Variants in NOTCH1 observed in about 807,000 individuals in gnomAD.
NOTCH1 encodes the protein notch receptor 1.
In NOTCH1, 37 loss-of-function variants were observed where a neutral mutation model predicts 254.8. That is an observed-to-expected ratio of 0.15 (90% CI 0.11 to 0.19). NOTCH1 has a LOEUF of 0.19. Among genes scored for constraint, NOTCH1 ranks in the 10% least tolerant of loss-of-function variants. The probability of loss-of-function intolerance (pLI) is 1.00; values close to 1 mark genes in which losing one functional copy is unlikely to be tolerated. For missense variants in NOTCH1, 2,972 were observed against 3,708.6 expected, an observed-to-expected ratio of 0.80 and a Z score of 5.16; for synonymous variants, 1,731 against 1,618.1, an observed-to-expected ratio of 1.07 and a Z score of -1.68.
intron 15 of NOTCH1, among the ~76,000 whole-genome samples, chr9:136,512,118 C>T (rs1843190667): frequency 6.6e-6 from 1 of 152,202 alleles, no homozygotes; most frequent in African/African-American, 2.4e-5. Context: ...AGATAGGAAG[C>T]GGGTCAGCAC....
At chr9:136,502,963 T>C (rs755393793) in intron 27 of NOTCH1, 4 of 712,000 alleles carry the variant, frequency 5.6e-6, no homozygotes, top group South Asian at 4.5e-5. Context: ...CACTTTCCCG[T>C]GGCTGGACTC....
At position 136,505,659 on chromosome 9, in the gene NOTCH1, G is replaced by A. The variant is rs1348438354; in HGVS notation, c.4237C>T (p.Arg1413Cys). ...CEPTSESPFY[R>C]CLCPAKFNGL... ...TTGAATTTGGCGGGGCACAGGCAAC[G>A]GTAGAAGGGGCTCTCGGATGTGGGC... Residue 1413 changes from arginine (R) to cysteine (C), a missense_variant, in exon 25 of 34, where the codon CGT becomes TGT. Physicochemically the swap from Arg to Cys is radical, Grantham distance 180 (BLOSUM62 -3). Transcript: ENST00000651671. 2 of 1,611,786 alleles carry A rather than the reference G, an allele frequency of 1.2e-6. No homozygotes were observed. Among genetic ancestry groups the A allele is most frequent in the Non-Finnish European group, 1.7e-6 (2 of 1,179,290 alleles).
rs781520893 is a variant in NOTCH1, at chr9:136,496,383, C to T, written c.7356G>A (p.Ala2452=). 2.4e-5 allele frequency: 39 copies of T among 1,596,186 alleles called. No homozygotes were observed. Among genetic ancestry groups the T allele is most frequent in the African/African-American group, 1.2e-4 (9 of 75,010 alleles). The change falls in exon 34 of 34, where the codon GCG becomes GCA. Residue 2452 remains alanine, a synonymous_variant. Transcript: ENST00000651671. ...TCTCCTGGGGCAGAATAGTGTGCAC[C>T]GCCAGGCTGCTGGGGCCCAGTGGCT... The part of the protein sequence containing the change: ...DVQPLGPSSL[A]VHTILPQESP...
chr9:136,534,016 T>G (rs1589078755), intron 2 of NOTCH1, among the ~76,000 whole-genome samples: 1 of 152,214 alleles, frequency 6.6e-6, no homozygotes, highest in South Asian at 2.1e-4. Context: ...GGCAGGAAGC[T>G]GGGAGCCACC....
At position 136,496,234 on chromosome 9, in the gene NOTCH1, A is replaced by G. The variant is rs1842911153; in HGVS notation, c.7505T>C (p.Leu2502Pro). The G allele has an allele frequency of 6.2e-7, 1 of 1,606,514 alleles. No homozygotes were observed. Among genetic ancestry groups the G allele is most frequent in the Non-Finnish European group, 8.5e-7 (1 of 1,176,440 alleles). The part of the protein sequence containing the change: ...SPVDNTPSHQ[L>P]QVPEHPFLTP... ...GAGGAAGGGGTGCTCAGGCACCTGT[A>G]GCTGGTGGCTGGGGGTGTTGTCCAC... Residue 2502 changes from leucine (L) to proline (P), a missense_variant, in exon 34 of 34, where the codon CTA (leucine) becomes CCA (proline). Leu to Pro is a moderately conservative substitution (Grantham distance 98, BLOSUM62 -3). Around this residue, in one of 8 missense-constraint regions of NOTCH1, gnomAD observed 85 missense variants for 126.1 expected, o/e 0.67. Transcript: ENST00000651671.
chr9:136,528,492 A>ATGGGCAGGGACAGTGGGGGGG (rs1843508978), intron 2 of NOTCH1, among the ~76,000 whole-genome samples: 1 of 18,006 alleles, frequency 5.6e-5, no homozygotes, highest in Non-Finnish European at 1.3e-4. Flanking sequence ...CAGTGCGGGG[A>ATGGGCAGGGACAGTGGGGGGG]ATGGGCAGGG....
chr9:136,511,422 C>T, intron 15 of NOTCH1, 151 bp from the exon 16 acceptor site: 1 of 979,444 alleles, frequency 1.0e-6, no homozygotes, highest in Admixed American at 2.4e-5. Flanking sequence ...GCGCTCCCGG[C>T]TGTGCCAGGA....
intron 4 of NOTCH1, among the ~76,000 whole-genome samples, chr9:136,522,373 G>A (rs72775787): frequency 2.2e-4 from 33 of 152,280 alleles, no homozygotes; most frequent in Admixed American, 1.2e-3. Context: ...CGTACAACAC[G>A]GGGATCGGGG....
intron 7 of NOTCH1, 91 bp downstream of exon 7, chr9:136,518,046 G>T: frequency 6.4e-7 from 1 of 1,554,408 alleles, no homozygotes. Context: ...CCATCTAACT[G>T]GGCACCCCCT....
intron 33 of NOTCH1, among the ~76,000 whole-genome samples, chr9:136,498,664 G>A (rs1236375665): frequency 6.6e-6 from 1 of 152,182 alleles, no homozygotes; most frequent in African/African-American, 2.4e-5. Flanking sequence ...GGGGCGAGCC[G>A]CCGTGTCCTG....
At chr9:136,507,481 C>A in intron 21 of NOTCH1, 44 bp from the exon 22 acceptor site, 1 of 1,567,406 alleles carries the variant, frequency 6.4e-7, no homozygotes, top group East Asian at 2.3e-5. Flanking sequence ...TCAGCCGGCG[C>A]CAGGATGCAG....
chr9:136,509,813 G>A lies in NOTCH1; in HGVS notation c.2889C>T (p.Cys963=), dbSNP rs749585921. The change falls in exon 18 of 34, where the codon TGC becomes TGT. Residue 963 remains cysteine (C), a synonymous_variant. Transcript: ENST00000651671. ...PCRNGANCTD[C]VDSYTCTCPA... ...GGCAGGTGCACGTGTAGCTGTCCACGCAGTCCGTGCAGTTGGCCCCGTTGC... is the reference window on the plus strand; with the variant it reads ...GGCAGGTGCACGTGTAGCTGTCCACACAGTCCGTGCAGTTGGCCCCGTTGC... 2.5e-5 allele frequency: 41 copies of A among 1,613,026 alleles called. No homozygotes were observed. The Middle Eastern group carries it at 4.9e-4, about 19-fold the overall frequency.
intron 2 of NOTCH1, among the ~76,000 whole-genome samples, chr9:136,524,688 A>G (rs1589073264): frequency 8.1e-6 from 1 of 123,708 alleles, no homozygotes; most frequent in Admixed American, 1.1e-4. Flanking sequence ...CCCAGGCTGG[A>G]GTGCAGGGGC....
rs2133322676 is a variant in NOTCH1, at chr9:136,499,146, G to C, written c.6048C>G (p.Asn2016Lys). Residue 2016 changes from asparagine (N) to lysine (K), a missense_variant, in exon 32 of 34, where the codon AAC becomes AAG. Around this residue, in one of 8 missense-constraint regions of NOTCH1, gnomAD observed 421 missense variants for 604.4 expected, o/e 0.70. Coordinates refer to ENST00000651671, the MANE Select transcript of NOTCH1 (RefSeq NM_017617.5). The part of the protein sequence containing the change: ...AVEGMLEDLI[N>K]SHADVNAVDD... Reference sequence around the variant, plus strand: ...CTACGGCGTTGACGTCGGCGTGTGAGTTGATGAGGTCCTCCAGCATGCCCT... The same window carrying C: ...CTACGGCGTTGACGTCGGCGTGTGACTTGATGAGGTCCTCCAGCATGCCCT... 6.2e-7 allele frequency: 1 copy of C among 1,613,334 alleles called. No homozygotes were observed. Among genetic ancestry groups the C allele is most frequent in the East Asian group, 2.2e-5 (1 of 44,878 alleles).
chr9:136,512,375 C>T (rs1843195112), intron 15 of NOTCH1, among the ~76,000 whole-genome samples: 1 of 152,220 alleles, frequency 6.6e-6, no homozygotes, highest in Non-Finnish European at 1.5e-5. Flanking sequence ...CCTCTGCCCG[C>T]TCCTGGGGAG....
At chr9:136,541,845 C>T (rs1843736909) in intron 2 of NOTCH1, among the ~76,000 whole-genome samples, 1 of 152,238 alleles carries the variant, frequency 6.6e-6, no homozygotes, top group Admixed American at 6.5e-5. Flanking sequence ...GCTTCCGTCC[C>T]ATCTTCTCGT....
chr9:136,510,319 G>A (rs974078891), intron 17 of NOTCH1, among the ~76,000 whole-genome samples: 1 of 152,228 alleles, frequency 6.6e-6, no homozygotes, highest in East Asian at 1.9e-4. Flanking sequence ...TGTGAAGCAG[G>A]GCTGGGAGGC....
At chr9:136,537,691 G>C (rs1843675781) in intron 2 of NOTCH1, among the ~76,000 whole-genome samples, 1 of 152,234 alleles carries the variant, frequency 6.6e-6, no homozygotes. Flanking sequence ...AGCTACTCTG[G>C]AGGCGGAGGC....
chr9:136,507,480 G>A (rs368626084), intron 21 of NOTCH1, 43 bp from the exon 22 acceptor site: 10 of 1,568,096 alleles, frequency 6.4e-6, no homozygotes, highest in Admixed American at 1.9e-5. Flanking sequence ...CTCAGCCGGC[G>A]CCAGGATGCA....
Sources: gnomAD v4.1 joint callset for allele counts (sites outside exome capture counted in the v4.1 genomes callset) on GRCh38, gnomAD v4.1.1 for gene constraint, gnomAD v4.1.1 regional missense constraint, MANE v1.5 for transcripts, NCBI Gene and HGNC (gene_info 2026-07-23, HGNC 2026-07-21) for gene names.